DIP2C: variants seen among roughly 807,000 people sequenced by gnomAD.
DIP2C encodes the protein DIP2 acetate--CoA ligase C (putative).
DIP2C carries 33 observed loss-of-function variants against 192.4 expected under a neutral mutation model. The observed-to-expected ratio is 0.17, with a 90% CI of 0.13 to 0.23. The LOEUF (loss-of-function observed/expected upper bound fraction) is 0.23, where lower values mean the gene tolerates loss of function less well. Ranked by LOEUF, DIP2C falls within the 10% of genes least tolerant of loss-of-function variation. The probability of loss-of-function intolerance (pLI) is 1.00; values close to 1 mark genes in which losing one functional copy is unlikely to be tolerated. For missense variants in DIP2C, 1,537 were observed against 2,110.1 expected, an observed-to-expected ratio of 0.73 and a Z score of 5.32; for synonymous variants, 979 against 864.1, an observed-to-expected ratio of 1.13 and a Z score of -2.33.
intron 1 of DIP2C, among the ~76,000 whole-genome samples, chr10:490,577 C>G (rs1449426742): frequency 6.6e-6 from 1 of 152,206 alleles, no homozygotes; most frequent in African/African-American, 2.4e-5. Context: ...GAATGTGAAC[C>G]ACAGGAGCCC....
At chr10:333,684 G>C (rs1050895151) in intron 29 of DIP2C, among the ~76,000 whole-genome samples, 1 of 152,222 alleles carries the variant, frequency 6.6e-6, no homozygotes, top group African/African-American at 2.4e-5. Context: ...GCTTAATTAA[G>C]ATCATGCCAA....
intron 32 of DIP2C, among the ~76,000 whole-genome samples, chr10:300,827 G>A (rs1485423649): frequency 6.7e-6 from 1 of 148,434 alleles, no homozygotes; most frequent in Non-Finnish European, 1.5e-5. Context: ...AGCGTGTGGA[G>A]AAACCGGATC....
chr10:630,305 T>G (rs1209697119), intron 1 of DIP2C: 1 of 152,250 alleles, frequency 6.6e-6, no homozygotes, highest in Non-Finnish European at 1.5e-5. Context: ...AAAAAAGTGG[T>G]TCTAATTAAA....
At chr10:626,694 A>C (rs1854225598) in intron 1 of DIP2C, among the ~76,000 whole-genome samples, 1 of 152,098 alleles carries the variant, frequency 6.6e-6, no homozygotes, top group Non-Finnish European at 1.5e-5. Context: ...GAAGGGCCTG[A>C]GCCCCTCTCA....
chr10:514,039 A>G (rs982172580), intron 1 of DIP2C, among the ~76,000 whole-genome samples: 4 of 152,210 alleles, frequency 2.6e-5, no homozygotes, highest in Admixed American at 6.5e-5. Context: ...CAATCAGAGA[A>G]CAGGAACATG....
At chr10:550,517 ACT>A (rs1017468553) in intron 1 of DIP2C, among the ~76,000 whole-genome samples, 1 of 152,108 alleles carries the variant, frequency 6.6e-6, no homozygotes, top group Non-Finnish European at 1.5e-5. Context: ...CTGAAGTTTT[ACT>A]CTGTTTACTA....
chr10:456,865 A>G (rs148709366), intron 3 of DIP2C, among the ~76,000 whole-genome samples: 49 of 152,334 alleles, frequency 3.2e-4, no homozygotes, highest in African/African-American at 5.5e-4. Context: ...AGTGAAGGCA[A>G]GAAGATTTTA....
chr10:440,112 T>C (rs1260771218), intron 4 of DIP2C, among the ~76,000 whole-genome samples: 3 of 152,200 alleles, frequency 2.0e-5, no homozygotes, highest in South Asian at 2.1e-4. Context: ...GATCATGAGA[T>C]GTAGTTTATA....
At chr10:413,781 C>T (rs760289214) in intron 8 of DIP2C, 132 bp downstream of exon 8, 4 of 1,101,272 alleles carry the variant, frequency 3.6e-6, no homozygotes, top group South Asian at 1.7e-5. Context: ...TGCGCGAGGG[C>T]GTGGGCAAAG....
At chr10:634,738 C>T (rs994631225) in intron 1 of DIP2C, among the ~76,000 whole-genome samples, 1 of 150,244 alleles carries the variant, frequency 6.7e-6, no homozygotes, top group East Asian at 2.0e-4. Flanking sequence ...GCAAAAAGAA[C>T]GAGACTCCAT....
rs1851809139 is a variant in DIP2C, at chr10:597,869, G to A, written c.85+91625C>T. Reference sequence around the variant, plus strand: ...CTGAGTCCTTTCCTGGCTATTTATGGAAATACGGGAGAAACCAGGAGGTCT... The same window carrying A: ...CTGAGTCCTTTCCTGGCTATTTATGAAAATACGGGAGAAACCAGGAGGTCT... On this transcript the variant is annotated intron_variant, in intron 1 of 36. Transcript: ENST00000280886. Among the ~76,000 whole-genome samples the A allele has an allele frequency of 2.0e-5, 3 of 152,170 alleles. No homozygotes were observed. In the South Asian group the frequency reaches 6.2e-4, roughly 32 times the overall value.
chr10:458,174 G>A (rs550905637), intron 3 of DIP2C, among the ~76,000 whole-genome samples: 4 of 152,288 alleles, frequency 2.6e-5, no homozygotes, highest in African/African-American at 7.2e-5. Flanking sequence ...ACATCACAGT[G>A]GCTACACAGT....
At chr10:391,235 G>A (rs1286772439) in intron 10 of DIP2C, among the ~76,000 whole-genome samples, 1 of 152,174 alleles carries the variant, frequency 6.6e-6, no homozygotes, top group African/African-American at 2.4e-5. Context: ...AATAGACAGG[G>A]CCTGAAAAAA....
chr10:383,337 G>A (rs990904113), intron 16 of DIP2C, among the ~76,000 whole-genome samples: 1 of 152,176 alleles, frequency 6.6e-6, no homozygotes, highest in African/African-American at 2.4e-5. Context: ...TGCTGCTTTA[G>A]TTTACAAACA....
chr10:422,509 A>G (rs1348278694), intron 5 of DIP2C, among the ~76,000 whole-genome samples: 1 of 152,218 alleles, frequency 6.6e-6, no homozygotes, highest in Non-Finnish European at 1.5e-5. Context: ...GGACGAGCAC[A>G]TTTAAAACCC....
rs1163575976 is a variant in DIP2C, at chr10:435,987, A to G, written c.394+4884T>C. On this transcript the variant is annotated intron_variant, in intron 4 of 36. Coordinates refer to ENST00000280886, the MANE Select transcript of DIP2C (RefSeq NM_014974.3). ...TATATATATAAATATATAAACAGGTACAATTAATTTTATTAATATACTTTT... is the reference window on the plus strand; with the variant it reads ...TATATATATAAATATATAAACAGGTGCAATTAATTTTATTAATATACTTTT... Among the ~76,000 whole-genome samples, 3 of 151,938 alleles carry G rather than the reference A, an allele frequency of 2.0e-5. No homozygotes were observed. In the East Asian group the frequency reaches 5.8e-4, roughly 29 times the overall value.
At position 603,933 on chromosome 10, in the gene DIP2C, G is replaced by A. The variant is rs1435758961; in HGVS notation, c.85+85561C>T. On this transcript the variant is annotated intron_variant, in intron 1 of 36. Coordinates refer to ENST00000280886, the MANE Select transcript of DIP2C (RefSeq NM_014974.3). The stretch of plus-strand genomic sequence containing the variant: ...CCCAGCCTCAGCCCCACACCCCTCC[G>A]GCCCGGCACCCCTCCAACCACTGCC... Among the ~76,000 whole-genome samples the A allele has an allele frequency of 6.4e-5, 5 of 78,620 alleles. No individual in the cohort carries two copies. The East Asian group carries it at 1.0e-3, about 16-fold the overall frequency. 51.6% of individuals were successfully genotyped at this position (78,620 alleles called of 152,430 possible).
intron 1 of DIP2C, among the ~76,000 whole-genome samples, chr10:607,460 A>T (rs1237718885): frequency 6.6e-6 from 1 of 152,112 alleles, no homozygotes; most frequent in Non-Finnish European, 1.5e-5. Context: ...TCCCTCTATA[A>T]CATCAGAGAC....
rs373258192 is a variant in DIP2C, at chr10:585,193, G to A, written c.86-98663C>T. Among the ~76,000 whole-genome samples the A allele has an allele frequency of 7.9e-5, 12 of 152,304 alleles. No individual in the cohort carries two copies. The East Asian group carries it at 2.1e-3, about 27-fold the overall frequency. On this transcript the variant is annotated intron_variant, in intron 1 of 36. Transcript: ENST00000280886. Reference sequence around the variant, plus strand: ...CTCTATGAGCCCGGAGAACACCGACGTTTGTGTAGACACTTTCCCACTGAC... The same window carrying A: ...CTCTATGAGCCCGGAGAACACCGACATTTGTGTAGACACTTTCCCACTGAC...
Sources: gnomAD v4.1 joint callset for allele counts (sites outside exome capture counted in the v4.1 genomes callset) on GRCh38, gnomAD v4.1.1 for gene constraint, MANE v1.5 for transcripts, NCBI Gene and HGNC (gene_info 2026-07-23, HGNC 2026-07-21) for gene names.